The following ABCA3 variants were observed in gnomAD, a reference collection of about 807,000 sequenced individuals.
ABCA3 encodes the protein phospholipid-transporting ATPase ABCA3.
A neutral mutation model predicts 172.8 loss-of-function variants in ABCA3; 88 were observed. The observed-to-expected ratio is 0.51, with a 90% CI of 0.43 to 0.61. The LOEUF (loss-of-function observed/expected upper bound fraction) is 0.61. ABCA3 is among the 20% of genes least tolerant of loss of function. ABCA3 has a pLI of 0.00. For missense variants in ABCA3, 2,164 were observed against 2,301.0 expected (o/e 0.94, Z 1.22); for synonymous variants, 1,066 against 983.8 (o/e 1.08, Z -1.56).
chr16:2,340,511 C>T (rs1487125931), intron 1 of ABCA3, 62 bp downstream of exon 1: 1 of 149,924 alleles, frequency 6.7e-6, no homozygotes, highest in Non-Finnish European at 1.5e-5. Flanking sequence ...AAGGGCGGAC[C>T]CGGGTGGGGA....
At chr16:2,295,565 T>C in intron 18 of ABCA3, 25 bp downstream of exon 18, 1 of 1,609,118 alleles carries the variant, frequency 6.2e-7, no homozygotes, top group Non-Finnish European at 8.5e-7. Context: ...TGTATACCTG[T>C]GCGTGCCCTC....
intron 11 of ABCA3, among the ~76,000 whole-genome samples, chr16:2,308,144 G>A (rs924273459): frequency 1.6e-4 from 24 of 152,376 alleles, no homozygotes; most frequent in Non-Finnish European, 2.5e-4. Context: ...AGTCAGATGC[G>A]TATGTGGTGC....
rs1185498401 is a variant in ABCA3 at position 2,295,580 on chromosome 16, G to A, written c.2414+10C>T. Reference sequence around the variant, plus strand: ...TGTATACCTGTGCGTGCCCTCCCTGGGAGGCGTACCTGTGCGTGCTCTCTC... The same window carrying A: ...TGTATACCTGTGCGTGCCCTCCCTGAGAGGCGTACCTGTGCGTGCTCTCTC... On this transcript the variant is annotated intron_variant, in intron 18 of 32. Coordinates refer to ENST00000301732, the MANE Select transcript of ABCA3 (RefSeq NM_001089.3). The A allele has an allele frequency of 2.5e-6, 4 of 1,611,748 alleles. No homozygotes were observed. The African/African-American group carries it at 5.3e-5, about 22-fold the overall frequency.
At chr16:2,289,010 C>T (rs904068295) in intron 20 of ABCA3, 5 of 190,932 alleles carry the variant, frequency 2.6e-5, no homozygotes, top group East Asian at 2.9e-4. Flanking sequence ...CCTGGTCCTC[C>T]GAGACAGAGA....
intron 10 of ABCA3, among the ~76,000 whole-genome samples, chr16:2,313,556 A>G (rs1218066700): frequency 6.7e-6 from 1 of 149,386 alleles, no homozygotes; most frequent in Non-Finnish European, 1.5e-5. Context: ...CTGTCACAAA[A>G]AAAAAAAAAA....
Position 2,295,622 on chromosome 16 carries a change from C to T in ABCA3, c.2382G>A (p.Leu794=), listed in dbSNP as rs200108994. 3 of 1,613,940 alleles carry T rather than the reference C, an allele frequency of 1.9e-6. No individual in the cohort carries two copies. Among genetic ancestry groups the T allele is most frequent in the Non-Finnish European group, 1.7e-6 (2 of 1,180,048 alleles). ...ATLESSAGAE[L]SFILPRESTH... ...TGCTCTCTCTGGGAAGGATGAAAGA[C>T]AGCTCGGCCCCAGCGCTGCTCTCCA... Residue 794 remains leucine (L), a synonymous_variant, in exon 18 of 33, where the codon CTG becomes CTA. Transcript: ENST00000301732.
Position 2,298,373 on chromosome 16 carries a change from G to GC in ABCA3, c.1896+12dup, listed in dbSNP as rs767929259. 1.9e-6 allele frequency: 3 copies of GC among 1,613,968 alleles called. No homozygotes were observed. The highest frequency in any genetic ancestry group is 2.5e-6 in the Non-Finnish European group (3 of 1,179,968). On this transcript the variant is annotated intron_variant, in intron 15 of 32. Transcript: ENST00000301732. ...GTGGAAACACCCCTGCACACCCCTG[G>GC]CCCCCAACTCACCTGGGCGTAGAAA... is the stretch of plus-strand genomic sequence containing the variant.
At chr16:2,307,564 GAA>G (rs1390849233) in intron 11 of ABCA3, among the ~76,000 whole-genome samples, 4 of 151,766 alleles carry the variant, frequency 2.6e-5, no homozygotes, top group Non-Finnish European at 2.9e-5. Context: ...CAAAAAAAAA[GAA>G]AAAAAGTCCT....
In ABCA3 at chr16:2,285,928, C is replaced by T. The variant is rs536596393; in HGVS notation, c.3279-282G>A. 1.3e-5 allele frequency among the ~76,000 whole-genome samples: 2 copies of T among 152,232 alleles called. No individual in the cohort carries two copies. The highest frequency in any genetic ancestry group is 2.9e-5 in the Non-Finnish European group (2 of 68,044). On this transcript the variant is annotated intron_variant, in intron 22 of 32. Transcript: ENST00000301732. The surrounding 1 kb of genome is among the most constrained non-coding windows in gnomAD (Gnocchi z 4.7). ...AGCCCCACGGCTGCCGGCGACCTTG[C>T]CCAGGTGTGGAGGTCCCGAGCCCCA...
In ABCA3 at chr16:2,326,003, G is replaced by A; in HGVS notation, c.319+7C>T. The A allele has an allele frequency of 6.2e-7, 1 of 1,613,640 alleles. No homozygotes were observed. Among genetic ancestry groups the A allele is most frequent in the Non-Finnish European group, 8.5e-7 (1 of 1,180,014 alleles). On this transcript the variant is annotated splice_region_variant and intron_variant, in intron 5 of 32. Coordinates refer to ENST00000301732, the MANE Select transcript of ABCA3 (RefSeq NM_001089.3). Reference sequence around the variant, plus strand: ...GGCCTGGCACCGAGAGCCCCGGCATGTCTCACCTCGCATGTTGATCACAAG... The same window carrying A: ...GGCCTGGCACCGAGAGCCCCGGCATATCTCACCTCGCATGTTGATCACAAG...
chr16:2,295,883 A>G, intron 17 of ABCA3, 143 bp from the exon 18 acceptor site: 1 of 1,141,650 alleles, frequency 8.8e-7, no homozygotes, highest in Non-Finnish European at 1.3e-6. Context: ...AGCAGAATGA[A>G]TGTGTCTTGG....
At chr16:2,298,169 C>A (rs1468833935) in intron 15 of ABCA3, among the ~76,000 whole-genome samples, 1 of 95,168 alleles carries the variant, frequency 1.1e-5, no homozygotes, top group African/African-American at 2.7e-5. Flanking sequence ...GGAACCTCTC[C>A]TTGACGTAGC....
chr16:2,318,081 C>T (rs896547458), intron 8 of ABCA3, among the ~76,000 whole-genome samples: 12 of 152,232 alleles, frequency 7.9e-5, no homozygotes, highest in African/African-American at 1.2e-4. Context: ...CCCGAAGCTA[C>T]GTCAGGCGGC....
chr16:2,317,648 C>G lies in ABCA3; in HGVS notation c.990G>C (p.Lys330Asn). ...ASFMTLLFCV[K>N]VKPNVAVLSR... is the part of the protein sequence containing the mutation. ...AGAGCCCCACCGACGCCATGCTCACCTTGACACAGAAGAGCAGGGTCATGA... is the reference window on the plus strand; with the variant it reads ...AGAGCCCCACCGACGCCATGCTCACGTTGACACAGAAGAGCAGGGTCATGA... The change falls in exon 9 of 33, where the codon AAG becomes AAC. Residue 330 changes from lysine to asparagine, a missense_variant and splice_region_variant. Physicochemically the swap from Lys to Asn is moderately conservative, Grantham distance 94. Around this residue, in one of 3 missense-constraint regions of ABCA3, gnomAD observed 1,343 missense variants for 1,369.6 expected, o/e 0.98. Transcript: ENST00000301732. 6.2e-7 allele frequency: 1 copy of G among 1,614,178 alleles called. No individual in the cohort carries two copies. Among genetic ancestry groups the G allele is most frequent in the Middle Eastern group, 1.6e-4 (1 of 6,062 alleles).
At chr16:2,289,283 G>A (rs2093668047) in intron 20 of ABCA3, 151 bp downstream of exon 20, 1 of 906,270 alleles carries the variant, frequency 1.1e-6, no homozygotes, top group Non-Finnish European at 1.7e-6. Context: ...GACCCATGCG[G>A]TGTGAGCCGC....
chr16:2,295,842 G>A, intron 17 of ABCA3, 102 bp from the exon 18 acceptor site: 1 of 1,524,162 alleles, frequency 6.6e-7, no homozygotes, highest in Non-Finnish European at 9.0e-7. Flanking sequence ...CTGGTGGGAA[G>A]GAGGCTAGAG....
At position 2,297,936 on chromosome 16, in the gene ABCA3, G is replaced by A; in HGVS notation, c.1897-15C>T. 6.2e-7 allele frequency: 1 copy of A among 1,613,224 alleles called. No homozygotes were observed. The highest frequency in any genetic ancestry group is 8.5e-7 in the Non-Finnish European group (1 of 1,180,014). On this transcript the variant is annotated splice_polypyrimidine_tract_variant and intron_variant, in intron 15 of 32. Coordinates refer to ENST00000301732, the MANE Select transcript of ABCA3 (RefSeq NM_001089.3). This position sits in a 1 kb window ranked among gnomAD's most constrained non-coding sequence, Gnocchi z 5.6. ...AGGCCCTTCAGCTGCAACGACAGGGGACGCAGGGAGATGCAGGGCTCCTGG... is the reference window on the plus strand; with the variant it reads ...AGGCCCTTCAGCTGCAACGACAGGGAACGCAGGGAGATGCAGGGCTCCTGG...
chr16:2,317,371 G>A lies in ABCA3; in HGVS notation c.1023C>T (p.Ser341=), dbSNP rs759637704. 77 of 1,613,850 alleles carry A rather than the reference G, an allele frequency of 4.8e-5. No homozygotes were observed. The East Asian group carries it at 1.5e-3, about 32-fold the overall frequency. The stretch of plus-strand genomic sequence containing the variant: ...GGAAGGCGAGCACCAGGGAGGGGTC[G>A]CTGCGGGACAGCACGGCTACATTTG... ...VKPNVAVLSR[S]DPSLVLAFLL... is the part of the protein sequence containing the mutation. Residue 341 remains serine, a synonymous_variant, in exon 10 of 33, where the codon AGC becomes AGT. Coordinates refer to ENST00000301732, the MANE Select transcript of ABCA3 (RefSeq NM_001089.3).
At chr16:2,305,108 C>A (rs535117847) in intron 11 of ABCA3, among the ~76,000 whole-genome samples, 1 of 151,814 alleles carries the variant, frequency 6.6e-6, no homozygotes, top group East Asian at 1.9e-4. Context: ...CCACTGCACC[C>A]GGCCAGTATA....
Sources: gnomAD v4.1 joint callset for allele counts (sites outside exome capture counted in the v4.1 genomes callset) on GRCh38, gnomAD v4.1.1 for gene constraint, gnomAD v4.1.1 regional missense constraint, Gnocchi (gnomAD v3.1) non-coding constraint, MANE v1.5 for transcripts, NCBI Gene and HGNC (gene_info 2026-07-23, HGNC 2026-07-21) for gene names.